YJU2B: variants seen among roughly 807,000 people sequenced by gnomAD.
YJU2B encodes the protein probable splicing factor YJU2B.
YJU2B carries 18 observed loss-of-function variants against 38.0 expected under a neutral mutation model. That is an observed-to-expected ratio of 0.47 (90% confidence interval 0.33 to 0.70). The LOEUF is 0.70. YJU2B is among the 30% of genes least tolerant of loss of function. The pLI is 0.02. For missense variants in YJU2B, 538 were observed against 556.3 expected (o/e 0.97, Z 0.33); for synonymous variants, 246 against 225.4 (o/e 1.09, Z -0.82).
chr19:13,750,108 T>C (rs1206731792), intron 1 of YJU2B, among the ~76,000 whole-genome samples: 1 of 152,148 alleles, frequency 6.6e-6, no homozygotes, highest in Non-Finnish European at 1.5e-5. Flanking sequence ...CTGTCCTAGG[T>C]GTTAGGGATA....
intron 1 of YJU2B, among the ~76,000 whole-genome samples, chr19:13,749,669 A>G (rs1411236489): frequency 1.0e-4 from 13 of 127,986 alleles, no homozygotes; most frequent in African/African-American, 6.1e-5. Context: ...GTCTCGCTCT[A>G]TCGCCCAGGC....
In YJU2B at chr19:13,763,285, T is replaced by C. The variant is rs1973995847; in HGVS notation, c.*217T>C. ...AGACTCCGTACATTAAAGACCTGTC[T>C]CTTCTTCCCTGTCTTGGGTTGTTAG... On this transcript the variant is annotated 3_prime_UTR_variant, in exon 10 of 10. Transcript: ENST00000221554. 2 of 502,200 alleles carry C rather than the reference T, an allele frequency of 4.0e-6. No homozygotes were observed. Among genetic ancestry groups the C allele is most frequent in the Non-Finnish European group, 7.0e-6 (2 of 286,156 alleles). The allele number at this position is 502,200 out of a possible 1,614,324, so 31.1% of individuals were successfully genotyped here.
At chr19:13,756,115 T>G in intron 3 of YJU2B, 82 bp from the exon 4 acceptor site, 1 of 1,085,946 alleles carries the variant, frequency 9.2e-7, no homozygotes, top group Non-Finnish European at 1.4e-6. Context: ...GAGACACTTG[T>G]CCCAAAGCAG....
At chr19:13,745,321 T>C (rs954819491), upstream of YJU2B, among the ~76,000 whole-genome samples, 3 of 152,110 alleles carry the variant, frequency 2.0e-5, no homozygotes, top group Non-Finnish European at 4.4e-5. Flanking sequence ...ATTCATTTGT[T>C]AGTAGAGCCC....
intron 1 of YJU2B, among the ~76,000 whole-genome samples, chr19:13,750,062 G>C (rs908342743): frequency 6.6e-6 from 1 of 152,114 alleles, no homozygotes; most frequent in Non-Finnish European, 1.5e-5. Flanking sequence ...AGTTATCTCA[G>C]TTGTTTACCC....
At chr19:13,753,687 C>A (rs1973558087) in intron 2 of YJU2B, among the ~76,000 whole-genome samples, 1 of 150,132 alleles carries the variant, frequency 6.7e-6, no homozygotes, top group Non-Finnish European at 1.5e-5. Flanking sequence ...GGAAACTTAA[C>A]AATCATGGCA....
At chr19:13,752,809 A>T (rs963959277) in intron 2 of YJU2B, among the ~76,000 whole-genome samples, 1 of 151,976 alleles carries the variant, frequency 6.6e-6, no homozygotes, top group Admixed American at 6.6e-5. Flanking sequence ...GCTACTCAGG[A>T]GGCTAAGGCA....
chr19:13,760,516 C>CACAG (rs1973847767), intron 8 of YJU2B, among the ~76,000 whole-genome samples: 1 of 152,186 alleles, frequency 6.6e-6, no homozygotes, highest in Admixed American at 6.5e-5. Flanking sequence ...ATTTGGGGGA[C>CACAG]ACAGACATTG....
chr19:13,760,199 C>T (rs557999269), intron 8 of YJU2B, among the ~76,000 whole-genome samples: 3 of 148,618 alleles, frequency 2.0e-5, no homozygotes, highest in Middle Eastern at 3.4e-3. Context: ...GCTGGGATTA[C>T]AGGCGTGAGC....
At position 13,763,041 on chromosome 19, in the gene YJU2B, G is replaced by A. The variant is rs986548882; in HGVS notation, c.1164G>A (p.Ala388=). The A allele has an allele frequency of 3.2e-6, 5 of 1,570,416 alleles. No homozygotes were observed. In the African/African-American group the frequency reaches 4.1e-5, roughly 13 times the overall value. The stretch of plus-strand genomic sequence containing the variant: ...GCAGTCTCGGCTCCTCCCTCGTGGC[G>A]GACTACTCCGACTCGGAGAGTGAGT... ...HPCSLGSSLV[A]DYSDSESE The change falls in exon 10 of 10, where the codon GCG becomes GCA. Residue 388 remains alanine (A), a synonymous_variant. Transcript: ENST00000221554.
intron 2 of YJU2B, among the ~76,000 whole-genome samples, chr19:13,741,225 G>A (rs1047267241): frequency 6.8e-6 from 1 of 146,228 alleles, no homozygotes; most frequent in African/African-American, 2.5e-5. Flanking sequence ...CGTGATCTCA[G>A]CTCACTGCAA....
intron 1 of YJU2B, among the ~76,000 whole-genome samples, chr19:13,750,536 C>G (rs1450113101): frequency 7.9e-5 from 12 of 151,888 alleles, no homozygotes; most frequent in Admixed American, 7.9e-4. Flanking sequence ...CGGATGAGGT[C>G]TTTGATGGAT....
chr19:13,752,035 C>T (rs1018868822), intron 2 of YJU2B, among the ~76,000 whole-genome samples: 1 of 152,152 alleles, frequency 6.6e-6, no homozygotes. Flanking sequence ...GACAGTCTCA[C>T]TTTGTTGCCT....
intron 9 of YJU2B, 56 bp from the exon 10 acceptor site, chr19:13,762,534 G>C: frequency 6.5e-7 from 1 of 1,549,854 alleles, no homozygotes; most frequent in South Asian, 1.2e-5. Flanking sequence ...TCTACCAGAG[G>C]GCAGTTCTGG....
chr19:13,752,625 TC>T (rs1973512653), intron 2 of YJU2B, among the ~76,000 whole-genome samples: 1 of 152,012 alleles, frequency 6.6e-6, no homozygotes, highest in African/African-American at 2.4e-5. Context: ...GAGCCTGTAG[TC>T]CCAGCCACTC....
chr19:13,745,700 T>TAGATAGATAGAG (rs879294355), upstream of YJU2B, among the ~76,000 whole-genome samples: 29 of 104,346 alleles, frequency 2.8e-4, no homozygotes, highest in African/African-American at 1.0e-3. Context: ...GATATAGATA[T>TAGATAGATAGAG]ATAGATATCT....
chr19:13,751,853 C>T, intron 2 of YJU2B, 42 bp downstream of exon 2: 1 of 1,606,378 alleles, frequency 6.2e-7, no homozygotes. Context: ...CTCTCCCAGT[C>T]TTTGTAGGAC....
intron 4 of YJU2B, 43 bp downstream of exon 4, chr19:13,756,322 T>G: frequency 6.6e-7 from 1 of 1,515,448 alleles, no homozygotes; most frequent in Non-Finnish European, 9.2e-7. Flanking sequence ...TCCTGCCCCA[T>G]TCCTTCAGTC....
At chr19:13,755,163 CAA>C (rs1043821281) in intron 3 of YJU2B, among the ~76,000 whole-genome samples, 24 of 57,210 alleles carry the variant, frequency 4.2e-4, no homozygotes, top group Non-Finnish European at 4.9e-4. Flanking sequence ...GACCCTGCCT[CAA>C]AAAAAAAAAA....
Sources: allele counts gnomAD v4.1 joint callset (sites outside exome capture counted in the v4.1 genomes callset), GRCh38; gene constraint gnomAD v4.1.1; transcripts MANE v1.5; gene names NCBI Gene and HGNC (gene_info 2026-07-23, HGNC 2026-07-21).